ZNF131: variants seen among roughly 807,000 people sequenced by gnomAD.
ZNF131 encodes the protein zinc finger and BTB domain containing 35.
Under a neutral mutation model 60.0 loss-of-function variants are expected in ZNF131, and 7 were observed. The observed-to-expected ratio is 0.12, with a 90% CI of 0.07 to 0.22. The LOEUF (loss-of-function observed/expected upper bound fraction) is 0.22. Among genes scored for constraint, ZNF131 ranks in the 10% least tolerant of loss-of-function variants. The probability of loss-of-function intolerance (pLI) is 1.00; values close to 1 mark genes in which losing one functional copy is unlikely to be tolerated. For missense variants in ZNF131, 493 were observed against 740.9 expected (o/e 0.67, Z 3.88); for synonymous variants, 257 against 253.2 (o/e 1.01, Z -0.14).
intron 3 of ZNF131, 143 bp downstream of exon 3, chr5:43,123,453 G>GCC: frequency 5.3e-6 from 3 of 570,912 alleles, no homozygotes; most frequent in Non-Finnish European, 8.7e-6. Flanking sequence ...ATAGGCATCA[G>GCC]TAGTTCCTGT....
rs189744916 is a variant in ZNF131, at chr5:43,146,561, C to T, written c.371+7252C>T. On this transcript the variant is annotated intron_variant, in intron 4 of 6. Transcript: ENST00000682664. ...AGTGAGCCGAGATTGCGCCACTGCACTCCAGCCTGGGCGACAGAGCGAGAC... is the reference window on the plus strand; with the variant it reads ...AGTGAGCCGAGATTGCGCCACTGCATTCCAGCCTGGGCGACAGAGCGAGAC... Among the ~76,000 whole-genome samples the T allele has an allele frequency of 1.4e-3, 206 of 151,670 alleles. 2 individuals are homozygous for T. Among genetic ancestry groups the T allele is most frequent in the African/African-American group, 4.7e-3 (195 of 41,308 alleles).
chr5:43,121,891 C>T, intron 1 of ZNF131, 148 bp from the exon 2 acceptor site: 1 of 905,682 alleles, frequency 1.1e-6, no homozygotes, highest in Middle Eastern at 3.6e-4. Context: ...CTCGGCTCGC[C>T]TTTCTTCCCT....
At chr5:43,173,491 T>C (rs1751239755) in intron 6 of ZNF131, 43 bp downstream of exon 6, 1 of 1,588,150 alleles carries the variant, frequency 6.3e-7, no homozygotes, top group Middle Eastern at 1.7e-4. Flanking sequence ...AAAGGAGTCT[T>C]GTGTTTGCAG....
At position 43,133,379 on chromosome 5, in the gene ZNF131, C is replaced by T. The variant is rs115090591; in HGVS notation, c.227-5786C>T. Among the ~76,000 whole-genome samples the T allele has an allele frequency of 1.8e-3, 268 of 152,224 alleles. 1 individual carries two copies. Among genetic ancestry groups the T allele is most frequent in the African/African-American group, 6.0e-3 (251 of 41,520 alleles). On this transcript the variant is annotated intron_variant, in intron 3 of 6. Coordinates refer to ENST00000682664, the MANE Select transcript of ZNF131 (RefSeq NM_001330707.2). Reference sequence around the variant, plus strand: ...ACTCGGGAGCCTGAGGCAGGAGAATCGTTTCGATCTGGGGAGGCGGACGTT... The same window carrying T: ...ACTCGGGAGCCTGAGGCAGGAGAATTGTTTCGATCTGGGGAGGCGGACGTT...
At chr5:43,131,327 C>T (rs1745328608) in intron 3 of ZNF131, among the ~76,000 whole-genome samples, 1 of 151,998 alleles carries the variant, frequency 6.6e-6, no homozygotes, top group Non-Finnish European at 1.5e-5. Context: ...CGTGCACCAC[C>T]ACACCCGGCT....
intron 5 of ZNF131, among the ~76,000 whole-genome samples, chr5:43,169,695 T>G (rs1375424755): frequency 2.0e-5 from 3 of 152,220 alleles, no homozygotes; most frequent in African/African-American, 7.2e-5. Context: ...TATTACAGAC[T>G]ATGCTGTAGT....
At chr5:43,131,371 C>T (rs570726246) in intron 3 of ZNF131, among the ~76,000 whole-genome samples, 1 of 151,892 alleles carries the variant, frequency 6.6e-6, no homozygotes, top group East Asian at 1.9e-4. Context: ...ATGGGTTTCA[C>T]CATTTTAGCC....
At chr5:43,122,348 TCA>T (rs1455882838) in intron 2 of ZNF131, among the ~76,000 whole-genome samples, 171 bp downstream of exon 2, 1 of 147,052 alleles carries the variant, frequency 6.8e-6, no homozygotes, top group East Asian at 2.2e-4. Flanking sequence ...CAGTGTCCAC[TCA>T]CACAGCGTGC....
intron 5 of ZNF131, 100 bp downstream of exon 5, chr5:43,162,031 T>C: frequency 9.0e-7 from 1 of 1,110,262 alleles, no homozygotes; most frequent in Non-Finnish European, 1.3e-6. Flanking sequence ...AGAAGCCATC[T>C]CATGTATTAT....
chr5:43,132,505 C>CTTT lies in ZNF131; in HGVS notation c.227-6639_227-6637dup, dbSNP rs4050538. On this transcript the variant is annotated intron_variant, in intron 3 of 6. Coordinates refer to ENST00000682664, the MANE Select transcript of ZNF131 (RefSeq NM_001330707.2). ...AAGTTCTAACTTCCTGAATGGTATTCTTTTTTTTTTTTTTTTTTTTTTTGA... is the reference window on the plus strand; with the variant it reads ...AAGTTCTAACTTCCTGAATGGTATTCTTTTTTTTTTTTTTTTTTTTTTTTTTGA... Among the ~76,000 whole-genome samples the CTTT allele has an allele frequency of 3.9e-3, 364 of 93,464 alleles. 10 individuals are homozygous for CTTT. The highest frequency in any genetic ancestry group is 0.013 in the African/African-American group (302 of 23,662). 61.3% of individuals were successfully genotyped at this position (93,464 alleles called of 152,430 possible). A position where few individuals can be genotyped will look rare whatever the true frequency, so the allele number is the denominator to read the frequency against.
chr5:43,137,418 A>G (rs1282134802), intron 3 of ZNF131, among the ~76,000 whole-genome samples: 1 of 152,178 alleles, frequency 6.6e-6, no homozygotes, highest in Non-Finnish European at 1.5e-5. Context: ...TAAATTAAAA[A>G]TGTTTTTTTA....
chr5:43,155,634 T>G (rs1304998897), intron 4 of ZNF131, among the ~76,000 whole-genome samples: 5 of 152,166 alleles, frequency 3.3e-5, no homozygotes, highest in Non-Finnish European at 7.3e-5. Context: ...CTGTTTTGCT[T>G]GCAGGTTAGC....
chr5:43,158,921 C>G (rs921421882), intron 4 of ZNF131, among the ~76,000 whole-genome samples: 1 of 151,814 alleles, frequency 6.6e-6, no homozygotes, highest in East Asian at 1.9e-4. Flanking sequence ...ACTCTACTTG[C>G]AAGCCTACAA....
At chr5:43,143,551 C>G (rs1393536435) in intron 4 of ZNF131, 5 of 435,540 alleles carry the variant, frequency 1.1e-5, no homozygotes, top group African/African-American at 8.4e-5. Flanking sequence ...GGTTTAGTGA[C>G]TTTCCTGGAC....
Position 43,174,975 on chromosome 5 carries a change from A to T in ZNF131, c.1714A>T (p.Met572Leu). The T allele has an allele frequency of 6.2e-7, 1 of 1,614,168 alleles. No homozygotes were observed. The highest frequency in any genetic ancestry group is 8.5e-7 in the Non-Finnish European group (1 of 1,180,036). The change falls in exon 7 of 7, where the codon ATG becomes TTG. Residue 572 changes from methionine to leucine, a missense_variant. Around this residue, in one of 7 missense-constraint regions of ZNF131, gnomAD observed 202 missense variants for 221.3 expected, o/e 0.91. Transcript: ENST00000682664. ...TTTGGACCACGTGACCCCAGAAATCATGAACCAAGAGGAGAGAGAGTCTAG... is the reference window on the plus strand; with the variant it reads ...TTTGGACCACGTGACCCCAGAAATCTTGAACCAAGAGGAGAGAGAGTCTAG... ...ADLDHVTPEI[M>L]NQEERESSQA...
chr5:43,168,642 G>A (rs1006114075), intron 5 of ZNF131, among the ~76,000 whole-genome samples: 3 of 152,162 alleles, frequency 2.0e-5, no homozygotes, highest in African/African-American at 7.2e-5. Flanking sequence ...CATTTTAAAG[G>A]AGTTTCAGCC....
rs577785543 is a variant in ZNF131, at chr5:43,145,466, A to G, written c.371+6157A>G. 1.5e-4 allele frequency among the ~76,000 whole-genome samples: 23 copies of G among 152,316 alleles called. No individual in the cohort carries two copies. The East Asian group carries it at 4.2e-3, about 28-fold the overall frequency. On this transcript the variant is annotated intron_variant, in intron 4 of 6. Transcript: ENST00000682664. Reference sequence around the variant, plus strand: ...TCAGGAGTTTGAGACCAGCCTGGCCAAAATGGTGAAACATCGTCTTTACTA... The same window carrying G: ...TCAGGAGTTTGAGACCAGCCTGGCCGAAATGGTGAAACATCGTCTTTACTA...
At chr5:43,158,428 T>C (rs1420837714) in intron 4 of ZNF131, among the ~76,000 whole-genome samples, 2 of 152,164 alleles carry the variant, frequency 1.3e-5, no homozygotes, top group Non-Finnish European at 2.9e-5. Flanking sequence ...TAGCTGGGAT[T>C]ACAGGCATGT....
chr5:43,166,694 C>T (rs541199760), intron 5 of ZNF131, among the ~76,000 whole-genome samples: 2 of 151,662 alleles, frequency 1.3e-5, no homozygotes, highest in African/African-American at 2.4e-5. Context: ...CTCGCTCTGT[C>T]GCCCAGACTG....
Sources: gnomAD v4.1 joint callset for allele counts (sites outside exome capture counted in the v4.1 genomes callset) on GRCh38, gnomAD v4.1.1 for gene constraint, gnomAD v4.1.1 regional missense constraint, MANE v1.5 for transcripts, NCBI Gene and HGNC (gene_info 2026-07-23, HGNC 2026-07-21) for gene names.